Variants in LHX9 observed in about 807,000 individuals in gnomAD.
LHX9 encodes LIM/homeobox protein Lhx9.
A neutral mutation model predicts 36.5 loss-of-function variants in LHX9; 9 were observed. That is an observed-to-expected ratio of 0.25 (90% confidence interval 0.15 to 0.43). The LOEUF is 0.43. LHX9 is among the 20% of genes least tolerant of loss of function. The pLI, the probability that LHX9 is intolerant of heterozygous loss-of-function variation, is 1.00. For synonymous variants in LHX9, 211 were observed against 212.1 expected (o/e 0.99, Z 0.04); for missense variants, 464 against 526.4 (o/e 0.88, Z 1.16).
chr1:197,918,796 C>CCG (rs368086643), intron 1 of LHX9: 1 of 8,484 alleles, frequency 1.2e-4, no homozygotes, highest in African/African-American at 3.7e-4. Context: ...AGATTACTAA[C>CCG]GGGGGGGGGG....
chr1:197,924,873 A>G (rs2102599268), intron 3 of LHX9, among the ~76,000 whole-genome samples: 2 of 130,908 alleles, frequency 1.5e-5, no homozygotes, highest in Non-Finnish European at 3.2e-5. Flanking sequence ...GATATTTAAG[A>G]CAGTTTTAAG....
chr1:197,920,414 A>T (rs1176825315), intron 2 of LHX9, among the ~76,000 whole-genome samples: 1 of 152,172 alleles, frequency 6.6e-6, no homozygotes, highest in East Asian at 1.9e-4. Context: ...ACGCACTCCC[A>T]TCACTTCTCA....
In LHX9 at chr1:197,917,436, C is replaced by A. The variant is rs1203108735; in HGVS notation, c.-388C>A. On this transcript the variant is annotated 5_prime_UTR_variant, in exon 1 of 5. Coordinates refer to ENST00000367387, the MANE Select transcript of LHX9 (RefSeq NM_020204.3). ...CAGCCAGGGAACGCTGAAAATAGCA[C>A]GTCTTTTTCTTTCTTTGTGTTCAAA... is the stretch of plus-strand genomic sequence containing the variant. 1 of 1,315,024 alleles carries A rather than the reference C, an allele frequency of 7.6e-7. No homozygotes were observed. The highest frequency in any genetic ancestry group is 2.3e-5 in the Admixed American group (1 of 43,838). 81.5% of individuals were successfully genotyped at this position (1,315,024 alleles called of 1,614,324 possible).
At chr1:197,927,086 C>CT (rs1660165381) in intron 3 of LHX9, among the ~76,000 whole-genome samples, 1 of 152,186 alleles carries the variant, frequency 6.6e-6, no homozygotes, top group African/African-American at 2.4e-5. Flanking sequence ...CTCTCAGAAA[C>CT]TTTCAGACTT....
intron 3 of LHX9, among the ~76,000 whole-genome samples, chr1:197,925,244 T>C (rs1660107450): frequency 6.6e-6 from 1 of 152,222 alleles, no homozygotes; most frequent in Non-Finnish European, 1.5e-5. Flanking sequence ...AGAATGCGTT[T>C]TAAGGGAAGC....
chr1:197,929,364 A>C lies in LHX9; in HGVS notation c.*105A>C. On this transcript the variant is annotated 3_prime_UTR_variant, in exon 5 of 5. Coordinates refer to ENST00000367387, the MANE Select transcript of LHX9 (RefSeq NM_020204.3). ...CAAGACTTTTTTTTTCTTCTAACCC[A>C]CAAGATATTTGGGGAATAAAAATAA... The C allele has an allele frequency of 8.4e-7, 1 of 1,194,670 alleles. No individual in the cohort carries two copies. The highest frequency in any genetic ancestry group is 1.0e-6 in the Non-Finnish European group (1 of 967,372). The allele number at this position is 1,194,670 out of a possible 1,614,324, so 74.0% of individuals were successfully genotyped here. A position where few individuals can be genotyped will look rare whatever the true frequency, so the allele number is the denominator to read the frequency against.
At chr1:197,925,738 A>G (rs990330439) in intron 3 of LHX9, among the ~76,000 whole-genome samples, 2 of 152,226 alleles carry the variant, frequency 1.3e-5, no homozygotes, top group African/African-American at 4.8e-5. Context: ...ATCTCTGGAC[A>G]TATGGTAGCC....
At chr1:197,915,569 T>C (rs535658358), upstream of LHX9, among the ~76,000 whole-genome samples, 15 of 152,346 alleles carry the variant, frequency 9.8e-5, no homozygotes, top group African/African-American at 3.6e-4. Context: ...TCCAGCTTAG[T>C]TCACTTGATT....
At chr1:197,917,129 CGTGT>C (rs527768235), upstream of LHX9, 3 of 364,360 alleles carry the variant, frequency 8.2e-6, no homozygotes, top group Non-Finnish European at 1.1e-5. Context: ...CGCGCGCGCG[CGTGT>C]GTGTGTTTTG....
At chr1:197,918,197 T>G in intron 1 of LHX9, 200 bp downstream of exon 1, 1 of 708,630 alleles carries the variant, frequency 1.4e-6, no homozygotes, top group Non-Finnish European at 2.6e-6. Flanking sequence ...TGTCTGCAGC[T>G]GGCTATCCTC....
chr1:197,928,499 C>T lies in LHX9; in HGVS notation c.937-503C>T, dbSNP rs531203672. On this transcript the variant is annotated intron_variant, in intron 4 of 4. Transcript: ENST00000367387. ...GTTTCAGGCTGTTCGAGGTCTGTGG[C>T]CCTGGGAGTTTTTTCTATGTGAAGA... Among the ~76,000 whole-genome samples, 19 of 152,248 alleles carry T rather than the reference C, an allele frequency of 1.2e-4. 1 individual carries two copies. The South Asian group carries it at 3.1e-3, about 25-fold the overall frequency.
rs1444001209 is a variant in LHX9, at chr1:197,919,954, G to T, written c.175-18G>T. The T allele has an allele frequency of 1.9e-6, 3 of 1,612,908 alleles. No individual in the cohort carries two copies. The highest frequency in any genetic ancestry group is 1.3e-5 in the African/African-American group (1 of 74,936). ...CACCGCGCGCCCTCCTCAGCCTTGC[G>T]GTGTGCTTTCTTTGCAGGGCATGCC... On this transcript the variant is annotated intron_variant, in intron 1 of 4. Coordinates refer to ENST00000367387, the MANE Select transcript of LHX9 (RefSeq NM_020204.3).
chr1:197,930,223 C>A lies in LHX9; in HGVS notation c.*964C>A. The A allele has an allele frequency of 4.1e-6, 1 of 244,524 alleles. No homozygotes were observed. Among genetic ancestry groups the A allele is most frequent in the Non-Finnish European group, 6.5e-6 (1 of 152,866 alleles). 15.1% of individuals were successfully genotyped at this position (244,524 alleles called of 1,614,324 possible). A position where few individuals can be genotyped will look rare whatever the true frequency, so the allele number is the denominator to read the frequency against. On this transcript the variant is annotated 3_prime_UTR_variant, in exon 5 of 5. Coordinates refer to ENST00000367387, the MANE Select transcript of LHX9 (RefSeq NM_020204.3). ...TTCTATATGAATAATGTTTAAAATA[C>A]CCAGCCTGGTAGACTTATACCAACA...
chr1:197,926,895 C>G (rs559696476), intron 3 of LHX9, among the ~76,000 whole-genome samples: 28 of 152,324 alleles, frequency 1.8e-4, no homozygotes, highest in African/African-American at 5.3e-4. Flanking sequence ...GTTAACCAGT[C>G]ATAGCTAAAA....
intron 3 of LHX9, among the ~76,000 whole-genome samples, chr1:197,925,594 A>C (rs1211676617): frequency 6.6e-6 from 1 of 152,180 alleles, no homozygotes; most frequent in Admixed American, 6.5e-5. Context: ...AGATAAGTAT[A>C]GTTTTATAGT....
upstream of LHX9, chr1:197,916,854 T>C: frequency 1.4e-6 from 1 of 690,266 alleles, no homozygotes; most frequent in East Asian, 2.7e-5. Context: ...CTCAGTAAAT[T>C]GCTTACATTT....
chr1:197,916,671 C>A, upstream of LHX9: 1 of 702,866 alleles, frequency 1.4e-6, no homozygotes, highest in Non-Finnish European at 2.6e-6. Flanking sequence ...CAAAAGTAAC[C>A]CTGAGAAATG....
intron 3 of LHX9, among the ~76,000 whole-genome samples, chr1:197,926,899 G>A (rs1660158734): frequency 6.6e-6 from 1 of 152,178 alleles, no homozygotes; most frequent in Non-Finnish European, 1.5e-5. Flanking sequence ...ACCAGTCATA[G>A]CTAAAAGCTG....
upstream of LHX9, among the ~76,000 whole-genome samples, chr1:197,913,886 A>T (rs1256719526): frequency 6.6e-6 from 1 of 152,162 alleles, no homozygotes; most frequent in Non-Finnish European, 1.5e-5. Context: ...CAAAATATGC[A>T]CATTTGTTGG....
Sources: allele counts gnomAD v4.1 joint callset (sites outside exome capture counted in the v4.1 genomes callset), GRCh38; gene constraint gnomAD v4.1.1; transcripts MANE v1.5; gene names NCBI Gene and HGNC (gene_info 2026-07-23, HGNC 2026-07-21).